Variants in ASCC1 observed in about 807,000 individuals in gnomAD.
The protein encoded by ASCC1 is ASC-1 complex subunit P50.
Under a neutral mutation model 46.6 loss-of-function variants are expected in ASCC1, and 35 were observed. That is an observed-to-expected ratio of 0.75 (90% confidence interval 0.57 to 0.99). The LOEUF (loss-of-function observed/expected upper bound fraction) is 0.99, where lower values mean the gene tolerates loss of function less well. Ranked by LOEUF, ASCC1 falls within the 50% of genes least tolerant of loss-of-function variation. The probability of loss-of-function intolerance (pLI) is 0.00; values close to 1 mark genes in which losing one functional copy is unlikely to be tolerated. For synonymous variants in ASCC1, 143 were observed against 146.6 expected (o/e 0.98, Z 0.18); for missense variants, 376 against 428.7 (o/e 0.88, Z 1.09).
chr10:72,185,492 T>C (rs538910704), intron 5 of ASCC1, among the ~76,000 whole-genome samples: 5 of 152,260 alleles, frequency 3.3e-5, no homozygotes, highest in African/African-American at 1.2e-4. Flanking sequence ...AGCAAACTCC[T>C]ATAACACACA....
At chr10:72,175,750 C>A (rs942294088) in intron 5 of ASCC1, among the ~76,000 whole-genome samples, 28 of 152,186 alleles carry the variant, frequency 1.8e-4, no homozygotes, top group African/African-American at 6.0e-4. Context: ...CTTAGATGAG[C>A]ACAAAGAATC....
intron 5 of ASCC1, among the ~76,000 whole-genome samples, chr10:72,172,270 C>A (rs113009460): frequency 0.038 from 5,775 of 151,706 alleles, 390 homozygotes; most frequent in African/African-American, 0.13. Flanking sequence ...AAAAAATTAG[C>A]CAGGCCTAGT....
intron 9 of ASCC1, among the ~76,000 whole-genome samples, chr10:72,101,935 T>C (rs991468695): frequency 4.6e-5 from 7 of 151,838 alleles, no homozygotes; most frequent in African/African-American, 1.7e-4. Flanking sequence ...AGCTAAATGA[T>C]GAGAACTTAT....
At chr10:72,151,480 G>T (rs942282484) in intron 7 of ASCC1, among the ~76,000 whole-genome samples, 2 of 151,874 alleles carry the variant, frequency 1.3e-5, no homozygotes, top group African/African-American at 4.8e-5. Flanking sequence ...AGCATTAAGA[G>T]AAATACCTAA....
Position 72,102,923 on chromosome 10 carries a change from G to A in ASCC1, c.958-5473C>T, listed in dbSNP as rs543092690. The A allele has an allele frequency of 6.6e-4, 290 of 437,926 alleles. 4 individuals are homozygous for A. The highest frequency in any genetic ancestry group is 4.4e-3 in the South Asian group (271 of 61,634). 27.1% of individuals were successfully genotyped at this position (437,926 alleles called of 1,614,324 possible). A position where few individuals can be genotyped will look rare whatever the true frequency, so the allele number is the denominator to read the frequency against. ...CCGGGAGGCACAGGTTGCAGTGAGC[G>A]GAGATTGCATCATTGTACTCCAGCC... On this transcript the variant is annotated intron_variant, in intron 9 of 9. Coordinates refer to ENST00000672957, the MANE Select transcript of ASCC1 (RefSeq NM_001198800.3).
At chr10:72,145,311 C>T (rs1196102532) in intron 7 of ASCC1, among the ~76,000 whole-genome samples, 2 of 152,096 alleles carry the variant, frequency 1.3e-5, no homozygotes, top group Non-Finnish European at 2.9e-5. Flanking sequence ...TACCTTAATC[C>T]AAGCACCCCT....
intron 5 of ASCC1, among the ~76,000 whole-genome samples, chr10:72,166,041 T>C (rs1172167646): frequency 1.3e-5 from 2 of 152,158 alleles, no homozygotes; most frequent in Non-Finnish European, 2.9e-5. Context: ...ATTAAGCCAC[T>C]TTCCCAAGGT....
intron 7 of ASCC1, among the ~76,000 whole-genome samples, chr10:72,149,273 C>T (rs952800587): frequency 6.6e-6 from 1 of 151,816 alleles, no homozygotes; most frequent in African/African-American, 2.4e-5. Flanking sequence ...CCTGTCTCTA[C>T]TAAAAATACA....
At chr10:72,114,171 G>A (rs1350601802) in intron 9 of ASCC1, among the ~76,000 whole-genome samples, 1 of 152,204 alleles carries the variant, frequency 6.6e-6, no homozygotes, top group East Asian at 1.9e-4. Context: ...AAATGTAAAT[G>A]TAAGCTCATT....
At chr10:72,204,551 G>C (rs1856938159) in intron 3 of ASCC1, 1 of 1,543,196 alleles carries the variant, frequency 6.5e-7, no homozygotes, top group Non-Finnish European at 8.7e-7. Context: ...AAAGCACTAA[G>C]AGGCCATCAC....
intron 5 of ASCC1, among the ~76,000 whole-genome samples, chr10:72,176,297 T>C (rs1851849215): frequency 6.6e-6 from 1 of 152,154 alleles, no homozygotes; most frequent in Non-Finnish European, 1.5e-5. Context: ...TTTTTTTCTG[T>C]GGTGCTAAGT....
At chr10:72,187,609 A>C (rs374405847) in intron 5 of ASCC1, among the ~76,000 whole-genome samples, 1 of 151,008 alleles carries the variant, frequency 6.6e-6, no homozygotes, top group Admixed American at 6.6e-5. Context: ...AGTCCCAGCT[A>C]CTCGGGAAGC....
At chr10:72,120,447 G>A (rs1433576625) in intron 9 of ASCC1, among the ~76,000 whole-genome samples, 2 of 151,772 alleles carry the variant, frequency 1.3e-5, no homozygotes, top group Non-Finnish European at 2.9e-5. Context: ...AAGATATAAG[G>A]TGCACACAAT....
Position 72,193,749 on chromosome 10 carries a change from G to A in ASCC1, c.489+3062C>T, listed in dbSNP as rs1210768028. Among the ~76,000 whole-genome samples the A allele has an allele frequency of 4.6e-5, 7 of 151,884 alleles. No individual in the cohort carries two copies. The East Asian group carries it at 1.4e-3, about 29-fold the overall frequency. The stretch of plus-strand genomic sequence containing the variant: ...CTTCAGAGGATAATTGGCTAAATAG[G>A]GGTTTAAAAAGTTAAAGTCTTACCT... On this transcript the variant is annotated intron_variant, in intron 5 of 9. Coordinates refer to ENST00000672957, the MANE Select transcript of ASCC1 (RefSeq NM_001198800.3).
intron 7 of ASCC1, among the ~76,000 whole-genome samples, chr10:72,134,698 T>C (rs1589286206): frequency 6.6e-6 from 1 of 152,326 alleles, no homozygotes; most frequent in East Asian, 1.9e-4. Context: ...TACCAGGGCA[T>C]CTCACTTCTC....
intron 9 of ASCC1, among the ~76,000 whole-genome samples, chr10:72,125,305 G>C (rs1844732251): frequency 6.6e-6 from 1 of 152,120 alleles, no homozygotes; most frequent in Non-Finnish European, 1.5e-5. Context: ...GGCCTATGCA[G>C]CTGTTAATAT....
intron 8 of ASCC1, among the ~76,000 whole-genome samples, 191 bp from the exon 9 acceptor site, chr10:72,128,358 T>G (rs1225819714): frequency 6.6e-6 from 1 of 152,204 alleles, no homozygotes; most frequent in Non-Finnish European, 1.5e-5. Flanking sequence ...CAACAATTCA[T>G]TCAGTATACA....
intron 7 of ASCC1, among the ~76,000 whole-genome samples, chr10:72,144,003 C>T (rs1253683687): frequency 7.5e-5 from 11 of 147,328 alleles, no homozygotes; most frequent in Non-Finnish European, 1.7e-4. Flanking sequence ...TTCTTTCTTT[C>T]TTTTTTTTTT....
chr10:72,107,261 G>C (rs1564579676), intron 9 of ASCC1, among the ~76,000 whole-genome samples: 1 of 151,754 alleles, frequency 6.6e-6, no homozygotes, highest in East Asian at 1.9e-4. Flanking sequence ...CACTTTATTG[G>C]GAGTTAAGTC....
Sources: gnomAD v4.1 joint callset for allele counts (sites outside exome capture counted in the v4.1 genomes callset) on GRCh38, gnomAD v4.1.1 for gene constraint, MANE v1.5 for transcripts, NCBI Gene and HGNC (gene_info 2026-07-23, HGNC 2026-07-21) for gene names.